The following RASSF10 variants were observed in gnomAD, a reference collection of about 807,000 sequenced individuals.
RASSF10 encodes the protein ras association domain-containing protein 10.
In RASSF10, 22 loss-of-function variants were observed where a neutral mutation model predicts 41.5. That is an observed-to-expected ratio of 0.53 (90% CI 0.38 to 0.76). The LOEUF (loss-of-function observed/expected upper bound fraction) is 0.76, where lower values mean the gene tolerates loss of function less well. Ranked by LOEUF, RASSF10 falls within the 30% of genes least tolerant of loss-of-function variation. The pLI is 0.00. For missense variants in RASSF10, 776 were observed against 711.8 expected, an observed-to-expected ratio of 1.09 and a Z score of -1.03; for synonymous variants, 364 against 319.0, an observed-to-expected ratio of 1.14 and a Z score of -1.50.
chr11:13,010,823 A>G lies in RASSF10; in HGVS notation c.1247A>G (p.Asp416Gly). 6.2e-7 allele frequency: 1 copy of G among 1,613,844 alleles called. No homozygotes were observed. The highest frequency in any genetic ancestry group is 8.5e-7 in the Non-Finnish European group (1 of 1,179,848). ...CTAGAGGCCGTCAAGTCGGACTTGG[A>G]TTACAGCCAGCAGCAATGGGACAGC... is the stretch of plus-strand genomic sequence containing the variant. The part of the protein sequence containing the change: ...TDLEAVKSDL[D>G]YSQQQWDSKK... Residue 416 changes from aspartate (D) to glycine (G), a missense_variant, in exon 1 of 1, where the codon GAT becomes GGT. Physicochemically the swap from Asp to Gly is moderately conservative, Grantham distance 94. Coordinates refer to ENST00000529419, the MANE Select transcript of RASSF10 (RefSeq NM_001080521.3). This position sits in a 1 kb window ranked among gnomAD's most constrained non-coding sequence, Gnocchi z 4.8.
In RASSF10 at chr11:13,009,733, G is replaced by A. The variant is rs1438748373; in HGVS notation, c.157G>A (p.Gly53Arg). The A allele has an allele frequency of 6.3e-7, 1 of 1,580,190 alleles. No individual in the cohort carries two copies. Among genetic ancestry groups the A allele is most frequent in the Non-Finnish European group, 8.6e-7 (1 of 1,164,326 alleles). Residue 53 changes from glycine to arginine, a missense_variant, in exon 1 of 1, where the codon GGG becomes AGG. Coordinates refer to ENST00000529419, the MANE Select transcript of RASSF10 (RefSeq NM_001080521.3). ...RRRQRRSRRL[G>R]SAGDPHGPGE... is the part of the protein sequence containing the mutation. Reference sequence around the variant, plus strand: ...GAGACAGCGGCGGAGCCGGCGGCTGGGGTCGGCCGGCGACCCGCATGGCCC... The same window carrying A: ...GAGACAGCGGCGGAGCCGGCGGCTGAGGTCGGCCGGCGACCCGCATGGCCC...
chr11:13,010,495 G>A lies in RASSF10; in HGVS notation c.919G>A (p.Ala307Thr). 1.3e-6 allele frequency: 2 copies of A among 1,515,606 alleles called. No individual in the cohort carries two copies. The highest frequency in any genetic ancestry group is 2.2e-5 in the Admixed American group (1 of 46,242). The allele number at this position is 1,515,606 out of a possible 1,614,324, so 93.9% of individuals were successfully genotyped here. A position where few individuals can be genotyped will look rare whatever the true frequency, so the allele number is the denominator to read the frequency against. ...VAAEAEEAAA[A>T]PPLAGEAQAA... Reference sequence around the variant, plus strand: ...GGCGGAGGCGGAGGAGGCGGCGGCGGCGCCCCCTCTAGCCGGCGAGGCGCA... The same window carrying A: ...GGCGGAGGCGGAGGAGGCGGCGGCGACGCCCCCTCTAGCCGGCGAGGCGCA... Residue 307 changes from alanine to threonine, a missense_variant, in exon 1 of 1, where the codon GCG becomes ACG. By Grantham distance (58) the Ala-to-Thr change is moderately conservative. Coordinates refer to ENST00000529419, the MANE Select transcript of RASSF10 (RefSeq NM_001080521.3). This position sits in a 1 kb window ranked among gnomAD's most constrained non-coding sequence, Gnocchi z 4.8.
At position 13,010,199 on chromosome 11, in the gene RASSF10, C is replaced by G. The variant is rs1487366513; in HGVS notation, c.623C>G (p.Ser208Trp). The change falls in exon 1 of 1, where the codon TCG (serine) becomes TGG (tryptophan). Residue 208 changes from serine to tryptophan, a missense_variant. Ser to Trp is a radical substitution (Grantham distance 177). Coordinates refer to ENST00000529419, the MANE Select transcript of RASSF10 (RefSeq NM_001080521.3). This position sits in a 1 kb window ranked among gnomAD's most constrained non-coding sequence, Gnocchi z 4.8. ...TCGTCCACTTCGTCGTCCACTGCCT[C>G]GTCCTGCTCTTCGTCGCCGCGGACC... The part of the protein sequence containing the change: ...SCSSTSSSTA[S>W]SCSSSPRTHE... The G allele has an allele frequency of 6.9e-6, 11 of 1,595,736 alleles. No individual in the cohort carries two copies. The highest frequency in any genetic ancestry group is 1.6e-4 in the Middle Eastern group (1 of 6,062).
Position 13,011,278 on chromosome 11 carries a change from G to C in RASSF10, c.*178G>C. The C allele has an allele frequency of 1.7e-6, 1 of 591,568 alleles. No individual in the cohort carries two copies. Among genetic ancestry groups the C allele is most frequent in the South Asian group, 2.2e-5 (1 of 44,968 alleles). 36.6% of individuals were successfully genotyped at this position (591,568 alleles called of 1,614,324 possible). A position where few individuals can be genotyped will look rare whatever the true frequency, so the allele number is the denominator to read the frequency against. On this transcript the variant is annotated 3_prime_UTR_variant, in exon 1 of 1. Coordinates refer to ENST00000529419, the MANE Select transcript of RASSF10 (RefSeq NM_001080521.3). ...TGGCTCCGGGGTGAGTGCAGAGCAG[G>C]GTGAGGGTAGAAGAAGTAGGATCCT... is the stretch of plus-strand genomic sequence containing the variant.
rs1949555679 is a variant in RASSF10 at position 13,009,523 on chromosome 11, C to T, written c.-54C>T. The T allele has an allele frequency of 6.4e-7, 1 of 1,574,396 alleles. No homozygotes were observed. Among genetic ancestry groups the T allele is most frequent in the African/African-American group, 1.4e-5 (1 of 74,008 alleles). The stretch of plus-strand genomic sequence containing the variant: ...GAGCTACTGGGCTGCCCTTGCTGTC[C>T]TCGCCGCCCCAGCAGACCCCGGCCG... On this transcript the variant is annotated 5_prime_UTR_variant, in exon 1 of 1. Transcript: ENST00000529419.
In RASSF10 at chr11:13,010,535, A is replaced by G; in HGVS notation, c.959A>G (p.Glu320Gly). The change falls in exon 1 of 1, where the codon GAG becomes GGG. Residue 320 changes from glutamate to glycine, a missense_variant. Transcript: ENST00000529419. This position sits in a 1 kb window ranked among gnomAD's most constrained non-coding sequence, Gnocchi z 4.8. ...LAGEAQAAALEELARRCDDLL... is the reference protein window; with the variant it reads ...LAGEAQAAALGELARRCDDLL... ...GGCGAGGCGCAGGCGGCGGCGCTGG[A>G]GGAGCTGGCCCGGCGCTGCGACGAC... is the stretch of plus-strand genomic sequence containing the variant. The G allele has an allele frequency of 6.5e-7, 1 of 1,528,826 alleles. No individual in the cohort carries two copies. Among genetic ancestry groups the G allele is most frequent in the Non-Finnish European group, 8.8e-7 (1 of 1,136,782 alleles). 94.7% of individuals were successfully genotyped at this position (1,528,826 alleles called of 1,614,324 possible). A position where few individuals can be genotyped will look rare whatever the true frequency, so the allele number is the denominator to read the frequency against.
In RASSF10 at chr11:13,010,736, A is replaced by G; in HGVS notation, c.1160A>G (p.Gln387Arg). The change falls in exon 1 of 1, where the codon CAG becomes CGG. Residue 387 changes from glutamine (Q) to arginine (R), a missense_variant. By Grantham distance (43) the Gln-to-Arg change is conservative. Coordinates refer to ENST00000529419, the MANE Select transcript of RASSF10 (RefSeq NM_001080521.3). This position sits in a 1 kb window ranked among gnomAD's most constrained non-coding sequence, Gnocchi z 4.8. ...GGPDGELLLE[Q>R]ERVRTQLSTS... ...CCCGACGGCGAGCTGCTGCTGGAGC[A>G]GGAACGGGTCAGGACGCAGCTCAGT... The G allele has an allele frequency of 1.2e-6, 2 of 1,600,884 alleles. No individual in the cohort carries two copies. The highest frequency in any genetic ancestry group is 1.7e-6 in the Non-Finnish European group (2 of 1,173,908).
In RASSF10 at chr11:13,010,298, A is replaced by G. The variant is rs1356829024; in HGVS notation, c.722A>G (p.Gln241Arg). The G allele has an allele frequency of 3.9e-6, 6 of 1,553,302 alleles. No homozygotes were observed. The African/African-American group carries it at 8.2e-5, about 21-fold the overall frequency. ...LVLSQDHTIR[Q>R]QVQRLHELDR... ...CTTTCCCAGGACCACACAATTCGCC[A>G]GCAGGTGCAGCGGCTCCACGAGCTG... Residue 241 changes from glutamine to arginine, a missense_variant, in exon 1 of 1, where the codon CAG (glutamine) becomes CGG (arginine). Physicochemically the swap from Gln to Arg is conservative, Grantham distance 43 (BLOSUM62 1). Transcript: ENST00000529419. This position sits in a 1 kb window ranked among gnomAD's most constrained non-coding sequence, Gnocchi z 4.8.
chr11:13,010,258 C>A lies in RASSF10; in HGVS notation c.682C>A (p.Leu228Met). 1 of 1,567,212 alleles carries A rather than the reference C, an allele frequency of 6.4e-7. No homozygotes were observed. The highest frequency in any genetic ancestry group is 8.6e-7 in the Non-Finnish European group (1 of 1,156,432). The change falls in exon 1 of 1, where the codon CTG (leucine) becomes ATG (methionine). Residue 228 changes from leucine (L) to methionine (M), a missense_variant. Leu to Met is a conservative substitution (Grantham distance 15). Transcript: ENST00000529419. The surrounding 1 kb of genome is among the most constrained non-coding windows in gnomAD (Gnocchi z 4.8). Reference protein sequence around the residue: ...ESASVERMETLVHLVLSQDHT... With the variant: ...ESASVERMETMVHLVLSQDHT... Reference sequence around the variant, plus strand: ...CGCGTCGGTGGAGCGCATGGAGACGCTGGTGCATCTGGTGCTTTCCCAGGA... The same window carrying A: ...CGCGTCGGTGGAGCGCATGGAGACGATGGTGCATCTGGTGCTTTCCCAGGA...
chr11:13,010,732 G>C lies in RASSF10; in HGVS notation c.1156G>C (p.Glu386Gln). The C allele has an allele frequency of 1.9e-6, 3 of 1,599,684 alleles. No individual in the cohort carries two copies. The highest frequency in any genetic ancestry group is 1.1e-5 in the South Asian group (1 of 88,672). The change falls in exon 1 of 1, where the codon GAG (glutamate) becomes CAG (glutamine). Residue 386 changes from glutamate (E) to glutamine (Q), a missense_variant. Coordinates refer to ENST00000529419, the MANE Select transcript of RASSF10 (RefSeq NM_001080521.3). The surrounding 1 kb of genome is among the most constrained non-coding windows in gnomAD (Gnocchi z 4.8). The stretch of plus-strand genomic sequence containing the variant: ...TGGCCCCGACGGCGAGCTGCTGCTG[G>C]AGCAGGAACGGGTCAGGACGCAGCT... ...DGGPDGELLL[E>Q]QERVRTQLST... is the part of the protein sequence containing the mutation.
Position 13,010,199 on chromosome 11 carries a change from C to T in RASSF10, c.623C>T (p.Ser208Leu). 1 of 1,595,854 alleles carries T rather than the reference C, an allele frequency of 6.3e-7. No individual in the cohort carries two copies. Among genetic ancestry groups the T allele is most frequent in the Non-Finnish European group, 8.5e-7 (1 of 1,172,836 alleles). ...TCGTCCACTTCGTCGTCCACTGCCT[C>T]GTCCTGCTCTTCGTCGCCGCGGACC... Reference protein sequence around the residue: ...SCSSTSSSTASSCSSSPRTHE... With the variant: ...SCSSTSSSTALSCSSSPRTHE... The change falls in exon 1 of 1, where the codon TCG becomes TTG. Residue 208 changes from serine to leucine, a missense_variant. By Grantham distance (145) the Ser-to-Leu change is moderately radical (BLOSUM62 -2). Coordinates refer to ENST00000529419, the MANE Select transcript of RASSF10 (RefSeq NM_001080521.3). The surrounding 1 kb of genome is among the most constrained non-coding windows in gnomAD (Gnocchi z 4.8).
chr11:13,010,484 AGGC>A lies in RASSF10; in HGVS notation c.919_921del (p.Ala307del), dbSNP rs966601417. ...GAAGAGGTGGCGGCGGAGGCGGAGGAGGCGGCGGCGGCGCCCCCTCTAGCCGGC... is the reference window on the plus strand; with the variant it reads ...GAAGAGGTGGCGGCGGAGGCGGAGGAGGCGGCGGCGCCCCCTCTAGCCGGC... On this transcript the variant is annotated inframe_deletion, in exon 1 of 1. Coordinates refer to ENST00000529419, the MANE Select transcript of RASSF10 (RefSeq NM_001080521.3). This position sits in a 1 kb window ranked among gnomAD's most constrained non-coding sequence, Gnocchi z 4.8. The A allele has an allele frequency of 2.0e-6, 3 of 1,517,720 alleles. No individual in the cohort carries two copies. The highest frequency in any genetic ancestry group is 4.3e-5 in the Admixed American group (2 of 46,508). The allele number at this position is 1,517,720 out of a possible 1,614,324, so 94.0% of individuals were successfully genotyped here.
rs559766374 is a variant in RASSF10, at chr11:13,009,637, G to A, written c.61G>A (p.Gly21Ser). ...CTGCCAGGAAGAGAAGCTGGTGTCCGGCCTCTCCCGCCGCACCACTTGCTC... is the reference window on the plus strand; with the variant it reads ...CTGCCAGGAAGAGAAGCTGGTGTCCAGCCTCTCCCGCCGCACCACTTGCTC... Reference protein sequence around the residue: ...WICQEEKLVSGLSRRTTCSDV... With the variant: ...WICQEEKLVSSLSRRTTCSDV... Residue 21 changes from glycine to serine, a missense_variant, in exon 1 of 1, where the codon GGC (glycine) becomes AGC (serine). Coordinates refer to ENST00000529419, the MANE Select transcript of RASSF10 (RefSeq NM_001080521.3). The A allele has an allele frequency of 9.4e-6, 15 of 1,601,396 alleles. No homozygotes were observed. The South Asian group carries it at 1.2e-4, about 13-fold the overall frequency.
chr11:13,010,694 T>A lies in RASSF10; in HGVS notation c.1118T>A (p.Leu373Gln). 1 of 1,591,668 alleles carries A rather than the reference T, an allele frequency of 6.3e-7. No individual in the cohort carries two copies. Among genetic ancestry groups the A allele is most frequent in the Non-Finnish European group, 8.5e-7 (1 of 1,169,898 alleles). ...GAGCTGGCGGCGCGGGAGGAGCCCC[T>A]GGAGCCCGACGGTGGCCCCGACGGC... is the stretch of plus-strand genomic sequence containing the variant. ...QEELAAREEP[L>Q]EPDGGPDGEL... The change falls in exon 1 of 1, where the codon CTG becomes CAG. Residue 373 changes from leucine (L) to glutamine (Q), a missense_variant. Physicochemically the swap from Leu to Gln is moderately radical, Grantham distance 113. Coordinates refer to ENST00000529419, the MANE Select transcript of RASSF10 (RefSeq NM_001080521.3). This position sits in a 1 kb window ranked among gnomAD's most constrained non-coding sequence, Gnocchi z 4.8.
In RASSF10 at chr11:13,011,074, TTGCCC is replaced by T. The variant is rs761812555; in HGVS notation, c.1499_1503del (p.Leu500TyrfsTer36). The T allele has an allele frequency of 2.7e-5, 36 of 1,337,210 alleles. No homozygotes were observed. The highest frequency in any genetic ancestry group is 9.9e-7 in the Non-Finnish European group (1 of 1,008,790). The allele number at this position is 1,337,210 out of a possible 1,614,324, so 82.8% of individuals were successfully genotyped here. ...TATGCATAGCCAAGACTCGGACTCCTTGCCCATGTGCGAATCCCTTGTGTAGGGGT... is the reference window on the plus strand; with the variant it reads ...TATGCATAGCCAAGACTCGGACTCCTATGTGCGAATCCCTTGTGTAGGGGT... On this transcript the variant is annotated frameshift_variant, in exon 1 of 1. Transcript: ENST00000529419. LOFTEE classifies it high-confidence loss of function.
chr11:13,011,775 G>A lies in RASSF10; in HGVS notation c.*675G>A, dbSNP rs1949581896. 6.6e-6 allele frequency: 1 copy of A among 152,108 alleles called. No individual in the cohort carries two copies. The highest frequency in any genetic ancestry group is 6.6e-5 in the Admixed American group (1 of 15,266). The allele number at this position is 152,108 out of a possible 1,614,324, so 9.4% of individuals were successfully genotyped here. A position where few individuals can be genotyped will look rare whatever the true frequency, so the allele number is the denominator to read the frequency against. On this transcript the variant is annotated 3_prime_UTR_variant, in exon 1 of 1. Transcript: ENST00000529419. ...TAGTAAACACAATAGATGTTAAAAGGGAATTCTTTTCCCAAAATAACCTTT... is the reference window on the plus strand; with the variant it reads ...TAGTAAACACAATAGATGTTAAAAGAGAATTCTTTTCCCAAAATAACCTTT...
chr11:13,009,444 G>A lies in RASSF10; in HGVS notation c.-133G>A. On this transcript the variant is annotated 5_prime_UTR_variant, in exon 1 of 1. Coordinates refer to ENST00000529419, the MANE Select transcript of RASSF10 (RefSeq NM_001080521.3). ...CAGCCTGCCTTCGGTGCGCAGCGGG[G>A]GAACAGGGCTAGTGCAGCCGCCGGA... 6.7e-7 allele frequency: 1 copy of A among 1,496,780 alleles called. No individual in the cohort carries two copies. The highest frequency in any genetic ancestry group is 8.9e-7 in the Non-Finnish European group (1 of 1,125,270). The allele number at this position is 1,496,780 out of a possible 1,614,324, so 92.7% of individuals were successfully genotyped here. A position where few individuals can be genotyped will look rare whatever the true frequency, so the allele number is the denominator to read the frequency against.
At position 13,011,173 on chromosome 11, in the gene RASSF10, G is replaced by T; in HGVS notation, c.*73G>T. Reference sequence around the variant, plus strand: ...CTTGCAGAATGCAGTGGGCCAGCCGGCTCGCGGACTTGAAACCAGGCTGTT... The same window carrying T: ...CTTGCAGAATGCAGTGGGCCAGCCGTCTCGCGGACTTGAAACCAGGCTGTT... On this transcript the variant is annotated 3_prime_UTR_variant, in exon 1 of 1. Coordinates refer to ENST00000529419, the MANE Select transcript of RASSF10 (RefSeq NM_001080521.3). 2 of 1,229,760 alleles carry T rather than the reference G, an allele frequency of 1.6e-6. No homozygotes were observed. The highest frequency in any genetic ancestry group is 1.1e-6 in the Non-Finnish European group (1 of 900,190). The allele number at this position is 1,229,760 out of a possible 1,614,324, so 76.2% of individuals were successfully genotyped here.
rs1356449797 is a variant in RASSF10, at chr11:13,010,385, T to A, written c.809T>A (p.Val270Asp). ...CTGGACCGCATGCGGCGTCACGGGG[T>A]CAACTACGTGCAGGACACTTACTTG... ...VHLDRMRRHGVNYVQDTYLVG... is the reference protein window; with the variant it reads ...VHLDRMRRHGDNYVQDTYLVG... The change falls in exon 1 of 1, where the codon GTC becomes GAC. Residue 270 changes from valine to aspartate, a missense_variant. Coordinates refer to ENST00000529419, the MANE Select transcript of RASSF10 (RefSeq NM_001080521.3). The surrounding 1 kb of genome is among the most constrained non-coding windows in gnomAD (Gnocchi z 4.8). 7 of 1,551,024 alleles carry A rather than the reference T, an allele frequency of 4.5e-6. No individual in the cohort carries two copies. In the African/African-American group the frequency reaches 9.6e-5, roughly 21 times the overall value.
Sources: gnomAD v4.1 joint callset for allele counts on GRCh38, gnomAD v4.1.1 for gene constraint, Gnocchi (gnomAD v3.1) non-coding constraint, MANE v1.5 for transcripts, NCBI Gene and HGNC (gene_info 2026-07-23, HGNC 2026-07-21) for gene names.